Variants in GSTCD observed in about 807,000 individuals in gnomAD.
The protein encoded by GSTCD is glutathione S-transferase C-terminal domain-containing protein.
In GSTCD, 44 loss-of-function variants were observed where a neutral mutation model predicts 68.3. The observed-to-expected ratio is 0.64, with a 90% CI of 0.51 to 0.83. The LOEUF is 0.83. Ranked by LOEUF, GSTCD falls within the 40% of genes least tolerant of loss-of-function variation. The pLI is 0.00. For missense variants in GSTCD, 739 were observed against 735.9 expected, an observed-to-expected ratio of 1.00 and a Z score of -0.05; for synonymous variants, 273 against 255.2, an observed-to-expected ratio of 1.07 and a Z score of -0.67.
chr4:105,720,285 C>A (rs1732821131), intron 3 of GSTCD, among the ~76,000 whole-genome samples: 1 of 152,194 alleles, frequency 6.6e-6, no homozygotes, highest in South Asian at 2.1e-4. Context: ...AAGCTTAGCT[C>A]TCTGCAGCCT....
intron 5 of GSTCD, among the ~76,000 whole-genome samples, chr4:105,783,846 A>G (rs1578471893): frequency 6.6e-6 from 1 of 152,190 alleles, no homozygotes; most frequent in African/African-American, 2.4e-5. Flanking sequence ...TTTAATACAG[A>G]ATTAGCTTCT....
At chr4:105,841,232 G>C (rs1186517657) in intron 10 of GSTCD, among the ~76,000 whole-genome samples, 1 of 151,904 alleles carries the variant, frequency 6.6e-6, no homozygotes, top group Non-Finnish European at 1.5e-5. Context: ...GCTAGGGCAG[G>C]AGTATTGCTT....
chr4:105,730,143 T>C (rs1237568506), intron 5 of GSTCD, among the ~76,000 whole-genome samples: 1 of 152,230 alleles, frequency 6.6e-6, no homozygotes, highest in Admixed American at 6.5e-5. Flanking sequence ...AGTCTAACAT[T>C]GATGGACATT....
intron 5 of GSTCD, among the ~76,000 whole-genome samples, chr4:105,736,362 A>C (rs1165901540): frequency 6.6e-6 from 1 of 152,170 alleles, no homozygotes; most frequent in Non-Finnish European, 1.5e-5. Context: ...TCCTACAGAA[A>C]GGGATTATAT....
chr4:105,717,082 A>G (rs967296028), intron 1 of GSTCD, among the ~76,000 whole-genome samples: 2 of 152,152 alleles, frequency 1.3e-5, no homozygotes, highest in African/African-American at 2.4e-5. Flanking sequence ...AAATATTTTT[A>G]TATTATGATT....
At chr4:105,783,217 C>T (rs557106614) in intron 5 of GSTCD, among the ~76,000 whole-genome samples, 1 of 152,186 alleles carries the variant, frequency 6.6e-6, no homozygotes, top group Admixed American at 6.5e-5. Flanking sequence ...CCCTTTAGAA[C>T]AAACAGCTTT....
intron 5 of GSTCD, among the ~76,000 whole-genome samples, chr4:105,748,457 T>A (rs1181419042): frequency 6.6e-6 from 1 of 152,172 alleles, no homozygotes; most frequent in Non-Finnish European, 1.5e-5. Flanking sequence ...TTTGAGTATT[T>A]TCTCTTCTAT....
In GSTCD at chr4:105,723,096, G is replaced by A. The variant is rs559443456; in HGVS notation, c.895-3483G>A. On this transcript the variant is annotated intron_variant, in intron 3 of 11. Transcript: ENST00000515279. ...TTTCAAAAGAAAGGAAAGATGCCAC[G>A]TACATCTAACAAATAAAAATAAGTC... is the stretch of plus-strand genomic sequence containing the variant. Among the ~76,000 whole-genome samples the A allele has an allele frequency of 2.8e-4, 43 of 151,912 alleles. No individual in the cohort carries two copies. The South Asian group carries it at 7.7e-3, about 27-fold the overall frequency.
At chr4:105,718,120 C>T (rs914822738) in intron 2 of GSTCD, 81 bp downstream of exon 2, 14 of 1,100,140 alleles carry the variant, frequency 1.3e-5, no homozygotes, top group South Asian at 6.6e-5. Context: ...TTTTAACTTC[C>T]TATTAGGAAT....
chr4:105,805,808 T>C (rs1383100117), intron 5 of GSTCD, among the ~76,000 whole-genome samples: 1 of 152,108 alleles, frequency 6.6e-6, no homozygotes, highest in Non-Finnish European at 1.5e-5. Context: ...TTAGCCTCCA[T>C]TCTTCTGCCT....
Position 105,823,246 on chromosome 4 carries a change from G to T in GSTCD, c.1372G>T (p.Val458Phe), listed in dbSNP as rs778300033. Residue 458 changes from valine to phenylalanine, a missense_variant, in exon 7 of 12, where the codon GTC becomes TTC. Val to Phe is a conservative substitution (Grantham distance 50). Coordinates refer to ENST00000515279, the MANE Select transcript of GSTCD (RefSeq NM_001370181.1). ...FCSGGGHVGIVLAHMLPSCQV... is the reference protein window; with the variant it reads ...FCSGGGHVGIFLAHMLPSCQV... ...ACTTTTTCAGGGCCATGTTGGAATT[G>T]TCCTTGCTCACATGCTGCCATCATG... 1.1e-5 allele frequency: 17 copies of T among 1,613,840 alleles called. No homozygotes were observed. Among genetic ancestry groups the T allele is most frequent in the Non-Finnish European group, 1.4e-5 (17 of 1,179,782 alleles).
intron 5 of GSTCD, among the ~76,000 whole-genome samples, chr4:105,819,506 T>C (rs1197490797): frequency 3.3e-5 from 5 of 151,784 alleles, no homozygotes. Context: ...AGATGAGTAT[T>C]GGGCATATAA....
At chr4:105,793,419 T>TTA (rs1553963381) in intron 5 of GSTCD, among the ~76,000 whole-genome samples, 7 of 150,638 alleles carry the variant, frequency 4.6e-5, no homozygotes, top group African/African-American at 7.4e-5. Flanking sequence ...TTTTTTTTTT[T>TTA]AAAAAAAATC....
intron 7 of GSTCD, chr4:105,823,733 A>ATGCTT (rs1363207982): frequency 6.5e-6 from 1 of 153,206 alleles, no homozygotes; most frequent in Non-Finnish European, 1.5e-5. Context: ...GATCCATCAA[A>ATGCTT]TGCTTTGCTT....
intron 5 of GSTCD, among the ~76,000 whole-genome samples, chr4:105,782,836 T>G (rs577251462): frequency 1.3e-5 from 2 of 152,218 alleles, no homozygotes; most frequent in Non-Finnish European, 2.9e-5. Flanking sequence ...ATTTTTTGTC[T>G]TAATTCATAT....
intron 5 of GSTCD, among the ~76,000 whole-genome samples, chr4:105,770,211 C>A (rs1443616412): frequency 2.0e-5 from 3 of 152,198 alleles, no homozygotes; most frequent in Non-Finnish European, 4.4e-5. Flanking sequence ...AAAAGTTCAG[C>A]ACGTTTATAG....
chr4:105,789,386 A>G (rs1383979869), intron 5 of GSTCD, among the ~76,000 whole-genome samples: 1 of 152,076 alleles, frequency 6.6e-6, no homozygotes, highest in African/African-American at 2.4e-5. Context: ...ACAAGGCTAC[A>G]CAGTCAGTGT....
intron 5 of GSTCD, among the ~76,000 whole-genome samples, chr4:105,814,673 A>G (rs1233315408): frequency 6.6e-6 from 1 of 152,126 alleles, no homozygotes; most frequent in Non-Finnish European, 1.5e-5. Flanking sequence ...GCTAGGTACC[A>G]CCCATCAAAT....
chr4:105,740,312 T>C (rs1733592131), intron 5 of GSTCD, among the ~76,000 whole-genome samples: 1 of 151,848 alleles, frequency 6.6e-6, no homozygotes, highest in Non-Finnish European at 1.5e-5. Context: ...GTGAGGACTA[T>C]AGTTTTGCTT....
Sources: allele counts gnomAD v4.1 joint callset (sites outside exome capture counted in the v4.1 genomes callset), GRCh38; gene constraint gnomAD v4.1.1; transcripts MANE v1.5; gene names NCBI Gene and HGNC (gene_info 2026-07-23, HGNC 2026-07-21).